The following BRINP2 variants were observed in gnomAD, a reference collection of about 807,000 sequenced individuals.
The protein encoded by BRINP2 is BMP/retinoic acid inducible neural specific 2.
Under a neutral mutation model 69.2 loss-of-function variants are expected in BRINP2, and 21 were observed. The ratio of observed to expected loss-of-function variants is 0.30; its 90% CI spans 0.22 to 0.44. The LOEUF is 0.44. BRINP2 is among the 20% of genes least tolerant of loss of function. The pLI is 1.00. For synonymous variants in BRINP2, 380 were observed against 394.1 expected, an observed-to-expected ratio of 0.96 and a Z score of 0.42; for missense variants, 877 against 986.0, an observed-to-expected ratio of 0.89 and a Z score of 1.48.
intron 2 of BRINP2, among the ~76,000 whole-genome samples, chr1:177,250,798 T>C (rs1650556723): frequency 6.6e-6 from 1 of 152,226 alleles, no homozygotes; most frequent in African/African-American, 2.4e-5. Flanking sequence ...TATAGCCTAG[T>C]GGCAAAGGCT....
chr1:177,247,470 G>A (rs955784627), intron 2 of BRINP2, among the ~76,000 whole-genome samples: 2 of 152,240 alleles, frequency 1.3e-5, no homozygotes, highest in Non-Finnish European at 2.9e-5. Context: ...TCCTTGGCTT[G>A]AGGCCAGTCT....
At chr1:177,174,429 T>C (rs772470605) in intron 1 of BRINP2, among the ~76,000 whole-genome samples, 4 of 152,232 alleles carry the variant, frequency 2.6e-5, no homozygotes, top group Non-Finnish European at 4.4e-5. Context: ...TCTTGCAGTC[T>C]AGTTAGGAAA....
At chr1:177,249,884 C>T (rs1365283044) in intron 2 of BRINP2, among the ~76,000 whole-genome samples, 5 of 152,280 alleles carry the variant, frequency 3.3e-5, no homozygotes, top group South Asian at 4.1e-4. Flanking sequence ...ATAGATGTTT[C>T]TCTATTATTT....
At chr1:177,207,876 G>A (rs1022580009) in intron 1 of BRINP2, among the ~76,000 whole-genome samples, 4 of 152,156 alleles carry the variant, frequency 2.6e-5, no homozygotes, top group South Asian at 4.1e-4. Context: ...ACAGGAGGCA[G>A]GAAAAGCAAA....
chr1:177,198,575 G>T (rs1648812324), intron 1 of BRINP2, among the ~76,000 whole-genome samples: 1 of 152,136 alleles, frequency 6.6e-6, no homozygotes, highest in African/African-American at 2.4e-5. Context: ...TGGCAGGCTG[G>T]GGTCCACCTT....
rs969260394 is a variant in BRINP2 at position 177,229,818 on chromosome 1, G to A, written c.-59G>A. On this transcript the variant is annotated 5_prime_UTR_variant, in exon 2 of 8. Transcript: ENST00000361539. ...TTTTCCAGCTCCGAGCCCTGGAGGA[G>A]CAGCACGGAGCGGGAGAGCGTGGCG... is the stretch of plus-strand genomic sequence containing the variant. The A allele has an allele frequency of 1.3e-6, 2 of 1,515,568 alleles. No individual in the cohort carries two copies. Among genetic ancestry groups the A allele is most frequent in the East Asian group, 2.3e-5 (1 of 43,446 alleles). 93.9% of individuals were successfully genotyped at this position (1,515,568 alleles called of 1,614,324 possible).
rs534447122 is a variant in BRINP2, at chr1:177,172,599, C to T, written c.-77+867C>T. ...CGAACTTGTGAGCTGTTGTTCCAGC[C>T]CAGAGGACTCTTCTCCTCACCAAGC... On this transcript the variant is annotated intron_variant, in intron 1 of 7. Coordinates refer to ENST00000361539, the MANE Select transcript of BRINP2 (RefSeq NM_021165.4). 7.2e-5 allele frequency among the ~76,000 whole-genome samples: 11 copies of T among 152,148 alleles called. 1 individual carries two copies. In the South Asian group the frequency reaches 2.3e-3, roughly 32 times the overall value.
At chr1:177,251,206 T>C (rs1174163576) in intron 2 of BRINP2, among the ~76,000 whole-genome samples, 1 of 152,200 alleles carries the variant, frequency 6.6e-6, no homozygotes, top group Non-Finnish European at 1.5e-5. Context: ...TTGAGGCATC[T>C]CAATTTCTTC....
chr1:177,281,802 A>C lies in BRINP2; in HGVS notation c.*274A>C. On this transcript the variant is annotated 3_prime_UTR_variant, in exon 8 of 8. Transcript: ENST00000361539. Reference sequence around the variant, plus strand: ...GTAAAGTTGATTGGTGCTTTCTAAAATGAATGCAATTGAAAGAAAGGAGCC... The same window carrying C: ...GTAAAGTTGATTGGTGCTTTCTAAACTGAATGCAATTGAAAGAAAGGAGCC... 1 of 309,310 alleles carries C rather than the reference A, an allele frequency of 3.2e-6. No homozygotes were observed. 19.2% of individuals were successfully genotyped at this position (309,310 alleles called of 1,614,324 possible).
At chr1:177,178,615 A>G (rs1648155381) in intron 1 of BRINP2, among the ~76,000 whole-genome samples, 1 of 152,118 alleles carries the variant, frequency 6.6e-6, no homozygotes, top group Non-Finnish European at 1.5e-5. Context: ...CTAGACTCCT[A>G]CACATCTTGT....
intron 1 of BRINP2, among the ~76,000 whole-genome samples, chr1:177,203,098 C>T (rs1299943717): frequency 6.6e-6 from 1 of 152,054 alleles, no homozygotes; most frequent in Non-Finnish European, 1.5e-5. Flanking sequence ...CAATGATAGA[C>T]TGGATTAAGA....
At chr1:177,252,715 C>T (rs977157632) in intron 2 of BRINP2, among the ~76,000 whole-genome samples, 2 of 152,104 alleles carry the variant, frequency 1.3e-5, no homozygotes, top group African/African-American at 2.4e-5. Context: ...AAGCTCTCCC[C>T]ATCTCCCTTT....
intron 1 of BRINP2, among the ~76,000 whole-genome samples, chr1:177,180,368 C>T (rs1303968883): frequency 6.6e-6 from 1 of 152,208 alleles, no homozygotes; most frequent in Non-Finnish European, 1.5e-5. Context: ...CACTTACCCA[C>T]TGTGTGACCT....
At chr1:177,218,800 A>G (rs1420227769) in intron 1 of BRINP2, among the ~76,000 whole-genome samples, 1 of 152,172 alleles carries the variant, frequency 6.6e-6, no homozygotes, top group Non-Finnish European at 1.5e-5. Context: ...ATTCAGTTCC[A>G]TGGAATACAC....
intron 4 of BRINP2, among the ~76,000 whole-genome samples, chr1:177,272,197 C>T (rs1651349153): frequency 2.0e-5 from 3 of 152,350 alleles, no homozygotes; most frequent in South Asian, 4.1e-4. Context: ...TCTGCTACTT[C>T]CTCTCTTGTT....
chr1:177,175,206 A>G (rs566454566), intron 1 of BRINP2, among the ~76,000 whole-genome samples: 11 of 152,272 alleles, frequency 7.2e-5, no homozygotes, highest in Admixed American at 1.3e-4. Flanking sequence ...CCATGTACAT[A>G]ACCTCTTGTC....
At chr1:177,234,177 C>T (rs1181604611) in intron 2 of BRINP2, among the ~76,000 whole-genome samples, 1 of 152,166 alleles carries the variant, frequency 6.6e-6, no homozygotes, top group Admixed American at 6.5e-5. Context: ...GCCCCCACTG[C>T]AATAAACGCT....
chr1:177,176,771 G>A (rs1355497943), intron 1 of BRINP2, among the ~76,000 whole-genome samples: 1 of 151,786 alleles, frequency 6.6e-6, no homozygotes, highest in Non-Finnish European at 1.5e-5. Context: ...TATTTGAAGA[G>A]GGACCTTGTT....
chr1:177,185,632 A>G (rs1241602378), intron 1 of BRINP2, among the ~76,000 whole-genome samples: 1 of 152,120 alleles, frequency 6.6e-6, no homozygotes, highest in African/African-American at 2.4e-5. Flanking sequence ...ATATGTATTA[A>G]CTCATTTAAT....
Sources: gnomAD v4.1 joint callset for allele counts (sites outside exome capture counted in the v4.1 genomes callset) on GRCh38, gnomAD v4.1.1 for gene constraint, MANE v1.5 for transcripts, NCBI Gene and HGNC (gene_info 2026-07-23, HGNC 2026-07-21) for gene names.